PCDHA12: variants seen among roughly 807,000 people sequenced by gnomAD.
The protein encoded by PCDHA12 is protocadherin alpha 12, also known as protocadherin alpha-12.
A neutral mutation model predicts 60.0 loss-of-function variants in PCDHA12; 44 were observed. The observed-to-expected ratio is 0.73, with a 90% confidence interval of 0.58 to 0.94. PCDHA12 has a LOEUF of 0.94. PCDHA12 is among the 40% of genes least tolerant of loss of function. PCDHA12 has a pLI of 0.00. For missense variants in PCDHA12, 1,276 were observed against 1,239.7 expected (o/e 1.03, Z -0.44); for synonymous variants, 569 against 553.0 (o/e 1.03, Z -0.40).
intron 1 of PCDHA12, among the ~76,000 whole-genome samples, chr5:140,908,581 G>A (rs2074042639): frequency 6.6e-6 from 1 of 152,178 alleles, no homozygotes; most frequent in Non-Finnish European, 1.5e-5. Context: ...AAGGAGAGTA[G>A]TTAGCTGCAG....
chr5:140,966,659 G>T, intron 1 of PCDHA12: 1 of 1,217,656 alleles, frequency 8.2e-7, no homozygotes, highest in South Asian at 2.0e-5. Flanking sequence ...AGCGGTGGGG[G>T]AGCAGGCGCA....
intron 1 of PCDHA12, among the ~76,000 whole-genome samples, chr5:140,919,151 G>A (rs1246862771): frequency 2.6e-5 from 4 of 152,122 alleles, no homozygotes; most frequent in African/African-American, 9.7e-5. Flanking sequence ...ATTATTAGAT[G>A]CAAGTATGTT....
chr5:140,891,226 C>T (rs1417836006), intron 1 of PCDHA12, among the ~76,000 whole-genome samples: 1 of 152,026 alleles, frequency 6.6e-6, no homozygotes, highest in Admixed American at 6.6e-5. Flanking sequence ...TTATAATCAT[C>T]CTGTTCTGGA....
At chr5:140,911,030 C>A (rs995736934) in intron 1 of PCDHA12, among the ~76,000 whole-genome samples, 1 of 152,066 alleles carries the variant, frequency 6.6e-6, no homozygotes, top group East Asian at 1.9e-4. Context: ...AGTTATAGGT[C>A]TAGAAGCAAA....
chr5:140,911,343 C>G (rs1223805451), intron 1 of PCDHA12, among the ~76,000 whole-genome samples: 1 of 152,136 alleles, frequency 6.6e-6, no homozygotes, highest in African/African-American at 2.4e-5. Flanking sequence ...CAATCAATGC[C>G]CTCATTTCAA....
intron 1 of PCDHA12, chr5:140,926,735 G>A (rs2083511846): frequency 1.1e-5 from 12 of 1,140,634 alleles, no homozygotes; most frequent in African/African-American, 1.6e-5. Context: ...GCGTTCGGGA[G>A]GCGCAACGTC....
chr5:140,882,104 A>C, intron 1 of PCDHA12: 2 of 1,343,832 alleles, frequency 1.5e-6, no homozygotes. Context: ...CGTTTCCGCG[A>C]AGAAAGCCGC....
chr5:141,000,415 ATATATATTTTTTT>A (rs1176788591), intron 3 of PCDHA12, among the ~76,000 whole-genome samples: 1 of 87,398 alleles, frequency 1.1e-5, no homozygotes, highest in Non-Finnish European at 2.1e-5. Flanking sequence ...ATATATATAT[ATATATATTTTTTT>A]TTTTTTTTTT....
At chr5:141,009,327 C>A (rs1445732436) in intron 3 of PCDHA12, among the ~76,000 whole-genome samples, 3 of 152,142 alleles carry the variant, frequency 2.0e-5, no homozygotes, top group Non-Finnish European at 2.9e-5. Context: ...GGCATGGGAG[C>A]TTGTGCCTGT....
Position 140,932,626 on chromosome 5 carries a change from C to T in PCDHA12, c.2368-46323C>T, listed in dbSNP as rs965543719. 1.2e-4 allele frequency among the ~76,000 whole-genome samples: 18 copies of T among 151,670 alleles called. 1 individual carries two copies. The highest frequency in any genetic ancestry group is 8.9e-5 in the Non-Finnish European group (6 of 67,754). On this transcript the variant is annotated intron_variant, in intron 1 of 3. Coordinates refer to ENST00000398631, the MANE Select transcript of PCDHA12 (RefSeq NM_018903.4). ...TTTGACTTTGAAGCTGATAACCACA[C>T]TAAAAAACTTTAGAATGATGAAACT...
At position 140,877,101 on chromosome 5, in the gene PCDHA12, G is replaced by T. The variant is rs375706181; in HGVS notation, c.1629G>T (p.Pro543=). 11 of 1,613,354 alleles carry T rather than the reference G, an allele frequency of 6.8e-6. No homozygotes were observed. The highest frequency in any genetic ancestry group is 9.3e-6 in the Non-Finnish European group (11 of 1,179,850). ...FQVSARDAGV[P]PLGSNVTLQV... is the part of the protein sequence containing the mutation. Reference sequence around the variant, plus strand: ...TGAGCGCGCGCGACGCCGGCGTGCCGCCTCTGGGCAGCAACGTGACGCTGC... The same window carrying T: ...TGAGCGCGCGCGACGCCGGCGTGCCTCCTCTGGGCAGCAACGTGACGCTGC... Residue 543 remains proline (P), a synonymous_variant, in exon 1 of 4, where the codon CCG becomes CCT. Transcript: ENST00000398631.
At position 140,978,994 on chromosome 5, in the gene PCDHA12, GCAGGCATGCA is replaced by G; in HGVS notation, c.2418_2426+1del. 3 of 1,614,152 alleles carry G rather than the reference GCAGGCATGCA, an allele frequency of 1.9e-6. No homozygotes were observed. The highest frequency in any genetic ancestry group is 8.5e-7 in the Non-Finnish European group (1 of 1,180,022). ...CTGGCGTTACTCTGCCTCCCTGAGA[GCAGGCATGCA>G]CAGGTATGTATTTCCCTCCTCATTC... On this transcript the variant is annotated frameshift_variant, in exon 2 of 4. Transcript: ENST00000398631. LOFTEE classifies it high-confidence loss of function.
At chr5:140,926,819 C>G in intron 1 of PCDHA12, 1 of 1,493,950 alleles carries the variant, frequency 6.7e-7, no homozygotes, top group Non-Finnish European at 8.9e-7. Context: ...CTCGTGCTCT[C>G]CAGGAGTCCG....
chr5:140,887,245 C>T (rs1200820177), intron 1 of PCDHA12, among the ~76,000 whole-genome samples: 2 of 151,924 alleles, frequency 1.3e-5, no homozygotes, highest in East Asian at 1.9e-4. Context: ...TACCGGCGCC[C>T]GCCACCACGC....
chr5:140,969,389 A>G (rs1554231753), intron 1 of PCDHA12: 8 of 1,592,478 alleles, frequency 5.0e-6, no homozygotes, highest in Admixed American at 1.8e-5. Context: ...ACATCCCCCA[A>G]TATCCTGTGA....
In PCDHA12 at chr5:140,887,347, C is replaced by T. The variant is rs568939189; in HGVS notation, c.2367+9508C>T. Among the ~76,000 whole-genome samples the T allele has an allele frequency of 4.6e-5, 7 of 152,202 alleles. No homozygotes were observed. In the South Asian group the frequency reaches 6.2e-4, roughly 14 times the overall value. On this transcript the variant is annotated intron_variant, in intron 1 of 3. Coordinates refer to ENST00000398631, the MANE Select transcript of PCDHA12 (RefSeq NM_018903.4). ...TCCTGACCTCGTGATCCACCTGGCT[C>T]GGCCTCCCAAAGTGCTGGGATTACA...
chr5:140,960,875 A>G (rs2095577090), intron 1 of PCDHA12, among the ~76,000 whole-genome samples: 1 of 152,220 alleles, frequency 6.6e-6, no homozygotes, highest in African/African-American at 2.4e-5. Context: ...TAGCTGAAAT[A>G]CACACTAATG....
At chr5:140,938,210 T>G (rs1355577102) in intron 1 of PCDHA12, among the ~76,000 whole-genome samples, 2 of 152,140 alleles carry the variant, frequency 1.3e-5, no homozygotes, top group East Asian at 3.8e-4. Flanking sequence ...CCTCCCAAAG[T>G]GCTGGGATTA....
At chr5:140,931,323 T>A (rs912582961) in intron 1 of PCDHA12, among the ~76,000 whole-genome samples, 1 of 152,110 alleles carries the variant, frequency 6.6e-6, no homozygotes, top group Non-Finnish European at 1.5e-5. Context: ...CAGTAATGGC[T>A]GTAAAGTTTG....
Sources: gnomAD v4.1 joint callset for allele counts (sites outside exome capture counted in the v4.1 genomes callset) on GRCh38, gnomAD v4.1.1 for gene constraint, MANE v1.5 for transcripts, NCBI Gene and HGNC (gene_info 2026-07-23, HGNC 2026-07-21) for gene names.